The following EP300 variants were observed in gnomAD, a reference collection of about 807,000 sequenced individuals.
The protein encoded by EP300 is EP300 lysine acetyltransferase, also known as histone acetyltransferase p300.
Under a neutral mutation model 264.0 loss-of-function variants are expected in EP300, and 31 were observed. That is an observed-to-expected ratio of 0.12 (90% CI 0.09 to 0.16). The LOEUF (loss-of-function observed/expected upper bound fraction) is 0.16, where lower values mean the gene tolerates loss of function less well. Ranked by LOEUF, EP300 falls within the 10% of genes least tolerant of loss-of-function variation. The pLI is 1.00. For synonymous variants in EP300, 1,340 were observed against 1,045.4 expected, an observed-to-expected ratio of 1.28 and a Z score of -5.44; for missense variants, 2,766 against 3,052.9, an observed-to-expected ratio of 0.91 and a Z score of 2.21.
Position 41,151,891 on chromosome 22 carries a change from G to T in EP300, c.2876G>T (p.Ser959Ile), listed in dbSNP as rs1308182502. 6.2e-7 allele frequency: 1 copy of T among 1,614,088 alleles called. No individual in the cohort carries two copies. Among genetic ancestry groups the T allele is most frequent in the Admixed American group, 1.7e-5 (1 of 60,010 alleles). The stretch of plus-strand genomic sequence containing the variant: ...GTATCAAATCCTCCATCTACTAGTA[G>T]CACAGAAGTGAATTCTCAGGCCATT... Reference protein sequence around the residue: ...GQVSNPPSTSSTEVNSQAIAE... With the variant: ...GQVSNPPSTSITEVNSQAIAE... Residue 959 changes from serine (S) to isoleucine (I), a missense_variant, in exon 15 of 31, where the codon AGC becomes ATC. Coordinates refer to ENST00000263253, the MANE Select transcript of EP300 (RefSeq NM_001429.4).
At chr22:41,105,053 C>G (rs1267505357) in intron 1 of EP300, among the ~76,000 whole-genome samples, 1 of 151,794 alleles carries the variant, frequency 6.6e-6, no homozygotes, top group East Asian at 2.0e-4. Flanking sequence ...AAAAATTAGC[C>G]GGGCGTAGTG....
At chr22:41,158,778 C>T in intron 19 of EP300, 3 of 430,898 alleles carry the variant, frequency 7.0e-6, no homozygotes, top group Non-Finnish European at 1.3e-5. Flanking sequence ...TCCCAGGCCC[C>T]ACTTCTCTTT....
At chr22:41,147,466 G>A (rs774448449) in intron 11 of EP300, among the ~76,000 whole-genome samples, 23 of 152,100 alleles carry the variant, frequency 1.5e-4, no homozygotes, top group African/African-American at 3.9e-4. Context: ...GGCCAGGTGC[G>A]GTGGCTCACG....
chr22:41,150,023 C>T lies in EP300; in HGVS notation c.2642C>T (p.Pro881Leu), dbSNP rs1486901560. 3.7e-6 allele frequency: 6 copies of T among 1,614,046 alleles called. No homozygotes were observed. The highest frequency in any genetic ancestry group is 5.1e-6 in the Non-Finnish European group (6 of 1,180,036). ...PGPQSQALHPPPRQTPTPPTT... is the reference protein window; with the variant it reads ...PGPQSQALHPLPRQTPTPPTT... ...CCACAGTCCCAGGCTCTACATCCCC[C>T]TCCAAGGCAGACACCTACACCACCA... Residue 881 changes from proline to leucine, a missense_variant, in exon 14 of 31, where the codon CCT (proline) becomes CTT (leucine). Transcript: ENST00000263253.
chr22:41,178,521 G>T lies in EP300; in HGVS notation c.6810G>T (p.Gly2270=), dbSNP rs1457131592. 1 of 1,614,030 alleles carries T rather than the reference G, an allele frequency of 6.2e-7. No individual in the cohort carries two copies. Among genetic ancestry groups the T allele is most frequent in the Non-Finnish European group, 8.5e-7 (1 of 1,179,994 alleles). Reference sequence around the variant, plus strand: ...AGCGACTCCTTCAGCAACAGATGGGGTCCCCTGTTCAGCCCAACCCCATGA... The same window carrying T: ...AGCGACTCCTTCAGCAACAGATGGGTTCCCCTGTTCAGCCCAACCCCATGA... The part of the protein sequence containing the change: ...YQQRLLQQQM[G]SPVQPNPMSP... The change falls in exon 31 of 31, where the codon GGG becomes GGT. Residue 2270 remains glycine, a synonymous_variant. Coordinates refer to ENST00000263253, the MANE Select transcript of EP300 (RefSeq NM_001429.4).
rs2145521209 is a variant in EP300, at chr22:41,178,262, G to C, written c.6551G>C (p.Arg2184Thr). 1 of 1,614,068 alleles carries C rather than the reference G, an allele frequency of 6.2e-7. No homozygotes were observed. Among genetic ancestry groups the C allele is most frequent in the Non-Finnish European group, 8.5e-7 (1 of 1,180,006 alleles). The change falls in exon 31 of 31, where the codon AGA (arginine) becomes ACA (threonine). Residue 2184 changes from arginine (R) to threonine (T), a missense_variant. Transcript: ENST00000263253. ...CCTTCACAATTCCGAGACATCTTGA[G>C]ACGACAGCAAATGATGCAACAGCAG... ...TMPSQFRDILRRQQMMQQQQQ... is the reference protein window; with the variant it reads ...TMPSQFRDILTRQQMMQQQQQ...
rs970955088 is a variant in EP300, at chr22:41,179,444, CTA to C, written c.*499_*500del. The stretch of plus-strand genomic sequence containing the variant: ...GTTAATGTTACTTTAAAATTACATT[CTA>C]TATATATATAAATATATATAAATAT... On this transcript the variant is annotated 3_prime_UTR_variant, in exon 31 of 31. Transcript: ENST00000263253. 4.3e-5 allele frequency: 7 copies of C among 163,920 alleles called. No individual in the cohort carries two copies. Among genetic ancestry groups the C allele is most frequent in the Admixed American group, 2.0e-4 (3 of 14,826 alleles). The allele number at this position is 163,920 out of a possible 1,614,324, so 10.2% of individuals were successfully genotyped here.
chr22:41,176,109 A>C (rs915561522), intron 29 of EP300, 138 bp from the exon 30 acceptor site: 29 of 964,666 alleles, frequency 3.0e-5, no homozygotes, highest in South Asian at 5.8e-5. Flanking sequence ...GGTCTCAGCT[A>C]TTCAGGAGGC....
At chr22:41,109,488 C>G (rs1172237810) in intron 1 of EP300, among the ~76,000 whole-genome samples, 4 of 152,094 alleles carry the variant, frequency 2.6e-5, no homozygotes, top group Admixed American at 1.3e-4. Flanking sequence ...ATGCCTGACA[C>G]ATTGAAAGTG....
chr22:41,104,287 G>GT (rs1224430625), intron 1 of EP300, among the ~76,000 whole-genome samples: 1 of 151,214 alleles, frequency 6.6e-6, no homozygotes, highest in African/African-American at 2.4e-5. Flanking sequence ...TCATCATGTA[G>GT]TTTTTTTGGT....
chr22:41,177,616 C>T lies in EP300; in HGVS notation c.5905C>T (p.Pro1969Ser), dbSNP rs757245862. The T allele has an allele frequency of 6.2e-7, 1 of 1,614,124 alleles. No homozygotes were observed. Among genetic ancestry groups the T allele is most frequent in the Non-Finnish European group, 8.5e-7 (1 of 1,180,036 alleles). ...TCCCATGGCCCCCATGGGTATGAACCCACCTCCCATGACCAGAGGTCCCAG... is the reference window on the plus strand; with the variant it reads ...TCCCATGGCCCCCATGGGTATGAACTCACCTCCCATGACCAGAGGTCCCAG... ...MTPMAPMGMN[P>S]PPMTRGPSGH... The change falls in exon 31 of 31, where the codon CCA becomes TCA. Residue 1969 changes from proline to serine, a missense_variant. Physicochemically the swap from Pro to Ser is moderately conservative, Grantham distance 74 (BLOSUM62 -1). Transcript: ENST00000263253.
At chr22:41,161,367 C>T (rs937858187) in intron 20 of EP300, among the ~76,000 whole-genome samples, 3 of 152,192 alleles carry the variant, frequency 2.0e-5, no homozygotes, top group African/African-American at 7.2e-5. Flanking sequence ...CCTGTCATCT[C>T]AGCACTTTGG....
At chr22:41,101,964 A>G (rs372105394) in intron 1 of EP300, among the ~76,000 whole-genome samples, 8 of 152,050 alleles carry the variant, frequency 5.3e-5, no homozygotes, top group African/African-American at 1.7e-4. Context: ...CAAAGAATGC[A>G]CAAGAATACT....
intron 7 of EP300, among the ~76,000 whole-genome samples, chr22:41,137,308 G>T (rs920457294): frequency 2.9e-5 from 4 of 135,766 alleles, no homozygotes; most frequent in Middle Eastern, 4.7e-3. Flanking sequence ...AGTGATCTGG[G>T]ATTGCACCAC....
intron 17 of EP300, 111 bp downstream of exon 17, chr22:41,155,224 G>T (rs2059070182): frequency 3.1e-6 from 3 of 967,178 alleles, no homozygotes; most frequent in Non-Finnish European, 4.9e-6. Context: ...TTGTAATTCA[G>T]TGATTTTTTT....
rs1162177712 is a variant in EP300, at chr22:41,147,863, A to T, written c.2158A>T (p.Met720Leu). The change falls in exon 12 of 31, where the codon ATG becomes TTG. Residue 720 changes from methionine to leucine, a missense_variant. Transcript: ENST00000263253. ...TTTGAATCAATTTGGCCAGATGAGCATGGCCCAGCCCCCTATTGTACCCCG... is the reference window on the plus strand; with the variant it reads ...TTTGAATCAATTTGGCCAGATGAGCTTGGCCCAGCCCCCTATTGTACCCCG... Reference protein sequence around the residue: ...SGLNQFGQMSMAQPPIVPRQT... With the variant: ...SGLNQFGQMSLAQPPIVPRQT... 6.2e-7 allele frequency: 1 copy of T among 1,614,146 alleles called. No homozygotes were observed. Among genetic ancestry groups the T allele is most frequent in the Non-Finnish European group, 8.5e-7 (1 of 1,179,996 alleles).
chr22:41,160,684 G>T lies in EP300; in HGVS notation c.3633G>T (p.Glu1211Asp), dbSNP rs748106711. Residue 1211 changes from glutamate to aspartate, a missense_variant, in exon 20 of 31, where the codon GAG becomes GAT. Glu to Asp is a conservative substitution (Grantham distance 45). Coordinates refer to ENST00000263253, the MANE Select transcript of EP300 (RefSeq NM_001429.4). The stretch of plus-strand genomic sequence containing the variant: ...AGTGTTTCAATGAGATCCAAGGGGA[G>T]AGCGTTTCTTTGGGGGATGACCCTT... ...CEKCFNEIQG[E>D]SVSLGDDPSQ... 2 of 1,614,104 alleles carry T rather than the reference G, an allele frequency of 1.2e-6. No homozygotes were observed. The highest frequency in any genetic ancestry group is 2.2e-5 in the South Asian group (2 of 91,072).
rs2145741028 is a variant in EP300 at position 41,152,311 on chromosome 22, A to T, written c.3103A>T (p.Thr1035Ser). 1 of 1,614,100 alleles carries T rather than the reference A, an allele frequency of 6.2e-7. No individual in the cohort carries two copies. Among genetic ancestry groups the T allele is most frequent in the East Asian group, 2.2e-5 (1 of 44,882 alleles). ...GGAAGACCAGCCAAGTACTTCAGCT[A>T]CCCAGTCATCTCCGGCTCCAGGACA... ...EEEDQPSTSA[T>S]QSSPAPGQSK... The change falls in exon 16 of 31, where the codon ACC becomes TCC. Residue 1035 changes from threonine (T) to serine (S), a missense_variant. By Grantham distance (58) the Thr-to-Ser change is moderately conservative. Transcript: ENST00000263253.
At chr22:41,099,125 C>T (rs902857719) in intron 1 of EP300, among the ~76,000 whole-genome samples, 20 of 152,010 alleles carry the variant, frequency 1.3e-4, no homozygotes, top group East Asian at 1.9e-4. Flanking sequence ...AGTACAGTGG[C>T]GTGATCTCGG....
Sources: allele counts gnomAD v4.1 joint callset (sites outside exome capture counted in the v4.1 genomes callset), GRCh38; gene constraint gnomAD v4.1.1; transcripts MANE v1.5; gene names NCBI Gene and HGNC (gene_info 2026-07-23, HGNC 2026-07-21).